Variants in SIM2 observed in about 807,000 individuals in gnomAD.
SIM2 encodes the protein single-minded homolog 2.
Under a neutral mutation model 64.8 loss-of-function variants are expected in SIM2, and 28 were observed. That is an observed-to-expected ratio of 0.43 (90% confidence interval 0.32 to 0.59). SIM2 has a LOEUF of 0.59. SIM2 is among the 20% of genes least tolerant of loss of function. The probability of loss-of-function intolerance (pLI) is 0.07; values close to 1 mark genes in which losing one functional copy is unlikely to be tolerated. For synonymous variants in SIM2, 408 were observed against 391.1 expected (o/e 1.04, Z -0.51); for missense variants, 847 against 871.4 (o/e 0.97, Z 0.35).
intron 2 of SIM2, chr21:36,709,563 T>A: frequency 2.0e-6 from 1 of 507,072 alleles, no homozygotes; most frequent in Non-Finnish European, 3.7e-6. Flanking sequence ...CTCACTTCCC[T>A]CAGCAGGTTC....
intron 7 of SIM2, among the ~76,000 whole-genome samples, chr21:36,736,610 G>A (rs906087398): frequency 6.6e-6 from 1 of 152,082 alleles, no homozygotes; most frequent in Admixed American, 6.5e-5. Flanking sequence ...GGGGCACCTC[G>A]GACCAGAGAA....
intron 7 of SIM2, among the ~76,000 whole-genome samples, chr21:36,733,788 C>T (rs1410085124): frequency 6.6e-6 from 1 of 152,134 alleles, no homozygotes; most frequent in Admixed American, 6.5e-5. Context: ...GTCTCAATCT[C>T]CTGACCTCGT....
chr21:36,703,026 G>A (rs1347232883), intron 1 of SIM2, among the ~76,000 whole-genome samples: 1 of 151,944 alleles, frequency 6.6e-6, no homozygotes, highest in Non-Finnish European at 1.5e-5. Context: ...ATTAAGGCCA[G>A]ACATGACACA....
chr21:36,716,633 C>T lies in SIM2; in HGVS notation c.349-3188C>T, dbSNP rs540361887. On this transcript the variant is annotated intron_variant, in intron 3 of 10. Coordinates refer to ENST00000290399, the MANE Select transcript of SIM2 (RefSeq NM_005069.6). ...TAACGTGCATTTTCAGAGTGCCAAA[C>T]AACTCTCCCCTTCCACACAGAATAT... Among the ~76,000 whole-genome samples the T allele has an allele frequency of 1.5e-4, 23 of 152,262 alleles. No individual in the cohort carries two copies. In the South Asian group the frequency reaches 2.5e-3, roughly 16 times the overall value.
At chr21:36,709,445 C>A (rs1319407441) in intron 2 of SIM2, 195 bp downstream of exon 2, 3 of 697,282 alleles carry the variant, frequency 4.3e-6, no homozygotes, top group East Asian at 2.7e-5. Context: ...CCAACCCTAC[C>A]CTAACCCTAC....
chr21:36,733,382 G>A (rs972027976), intron 7 of SIM2, among the ~76,000 whole-genome samples: 2 of 151,840 alleles, frequency 1.3e-5, no homozygotes, highest in Non-Finnish European at 2.9e-5. Flanking sequence ...CCACCACCAC[G>A]CCTGGCTAAT....
chr21:36,700,391 C>T (rs1601680042), intron 1 of SIM2, among the ~76,000 whole-genome samples: 1 of 144,670 alleles, frequency 6.9e-6, no homozygotes, highest in East Asian at 2.0e-4. Context: ...TCTCTCCCTC[C>T]CTCCTTCCTT....
At chr21:36,708,293 C>G (rs2088617500) in intron 1 of SIM2, among the ~76,000 whole-genome samples, 1 of 152,364 alleles carries the variant, frequency 6.6e-6, no homozygotes, top group Non-Finnish European at 1.5e-5. Flanking sequence ...AGCCTGGGGT[C>G]TCGCGGGGCG....
intron 7 of SIM2, among the ~76,000 whole-genome samples, chr21:36,739,558 T>C (rs981486931): frequency 6.6e-5 from 10 of 152,202 alleles, no homozygotes; most frequent in Non-Finnish European, 1.5e-4. Context: ...TTTCCCTGAA[T>C]TTTCAGCAAT....
chr21:36,738,500 C>G (rs1019363945), intron 7 of SIM2, among the ~76,000 whole-genome samples: 1 of 152,056 alleles, frequency 6.6e-6, no homozygotes, highest in South Asian at 2.1e-4. Context: ...GCCAAGACTC[C>G]GTCTCCAAAA....
chr21:36,711,093 T>C (rs1479690426), intron 2 of SIM2, among the ~76,000 whole-genome samples: 1 of 152,218 alleles, frequency 6.6e-6, no homozygotes, highest in African/African-American at 2.4e-5. Context: ...ATTAGGCCAT[T>C]TGAAGCTACG....
intron 7 of SIM2, among the ~76,000 whole-genome samples, chr21:36,736,751 TCCTC>T (rs200622905): frequency 7.8e-5 from 11 of 141,212 alleles, no homozygotes; most frequent in South Asian, 6.9e-4. Context: ...CCCTTTCCTT[TCCTC>T]CCTCCCTCCC....
intron 1 of SIM2, among the ~76,000 whole-genome samples, chr21:36,702,257 G>A (rs1206630673): frequency 1.3e-5 from 2 of 152,198 alleles, no homozygotes; most frequent in African/African-American, 4.8e-5. Context: ...AGCAGTTGAG[G>A]GGCTTCCTGT....
At chr21:36,704,187 C>A (rs1481379335) in intron 1 of SIM2, among the ~76,000 whole-genome samples, 1 of 152,220 alleles carries the variant, frequency 6.6e-6, no homozygotes, top group Non-Finnish European at 1.5e-5. Context: ...CCCCCATCAC[C>A]ACTTCCACCT....
Position 36,723,110 on chromosome 21 carries a change from C to T in SIM2, c.523C>T (p.Leu175=). 6.2e-7 allele frequency: 1 copy of T among 1,614,086 alleles called. No homozygotes were observed. Among genetic ancestry groups the T allele is most frequent in the East Asian group, 2.2e-5 (1 of 44,884 alleles). The change falls in exon 5 of 11, where the codon CTG becomes TTG. Residue 175 remains leucine (L), a synonymous_variant. Transcript: ENST00000290399. ...KCVLAKRNAG[L]TCSGYKVIHC... ...TGTCTTGGCGAAAAGGAACGCGGGC[C>T]TGACCTGCAGCGGATACAAGGTACG...
chr21:36,705,145 G>A (rs1309601742), intron 1 of SIM2, among the ~76,000 whole-genome samples: 1 of 152,216 alleles, frequency 6.6e-6, no homozygotes, highest in East Asian at 1.9e-4. Flanking sequence ...CCTTGCAGGG[G>A]GTCGTGCTGC....
intron 5 of SIM2, 65 bp downstream of exon 5, chr21:36,723,195 G>T (rs75359419): frequency 7.3e-7 from 1 of 1,368,982 alleles, no homozygotes; most frequent in Non-Finnish European, 1.0e-6. Context: ...TTTCAAGAGC[G>T]TCTGCAGAAA....
Position 36,723,118 on chromosome 21 carries a change from C to T in SIM2, c.531C>T (p.Cys177=), listed in dbSNP as rs2088846113. The change falls in exon 5 of 11, where the codon TGC becomes TGT. Residue 177 remains cysteine (C), a synonymous_variant. Coordinates refer to ENST00000290399, the MANE Select transcript of SIM2 (RefSeq NM_005069.6). ...VLAKRNAGLT[C]SGYKVIHCSG... Reference sequence around the variant, plus strand: ...CGAAAAGGAACGCGGGCCTGACCTGCAGCGGATACAAGGTACGGGGAGTCA... The same window carrying T: ...CGAAAAGGAACGCGGGCCTGACCTGTAGCGGATACAAGGTACGGGGAGTCA... 6.2e-7 allele frequency: 1 copy of T among 1,614,020 alleles called. No homozygotes were observed.
At chr21:36,707,058 C>T (rs144073007) in intron 1 of SIM2, among the ~76,000 whole-genome samples, 85 of 152,260 alleles carry the variant, frequency 5.6e-4, no homozygotes, top group African/African-American at 2.0e-3. Flanking sequence ...CAAGTCTTCC[C>T]GCCATGGGCT....
Sources: gnomAD v4.1 joint callset for allele counts (sites outside exome capture counted in the v4.1 genomes callset) on GRCh38, gnomAD v4.1.1 for gene constraint, MANE v1.5 for transcripts, NCBI Gene and HGNC (gene_info 2026-07-23, HGNC 2026-07-21) for gene names.